The following C1orf167 variants were observed in gnomAD, a reference collection of about 807,000 sequenced individuals.
C1orf167 encodes uncharacterized protein C1orf167.
A neutral mutation model predicts 176.5 loss-of-function variants in C1orf167; 153 were observed. The observed-to-expected ratio is 0.87, with a 90% CI of 0.76 to 0.99. The LOEUF is 0.99. C1orf167 is among the 50% of genes least tolerant of loss of function. The pLI is 0.00. For missense variants in C1orf167, 1,490 were observed against 1,817.7 expected, an observed-to-expected ratio of 0.82 and a Z score of 3.28; for synonymous variants, 594 against 752.7, an observed-to-expected ratio of 0.79 and a Z score of 3.45.
In C1orf167 at chr1:11,776,454, G is replaced by A. The variant is rs1425387546; in HGVS notation, c.2165-10G>A. Reference sequence around the variant, plus strand: ...GGAGGCAGCTGACTGGACTCTTGACGGTTTCTCAGGACGTGAGGCTGTCTA... The same window carrying A: ...GGAGGCAGCTGACTGGACTCTTGACAGTTTCTCAGGACGTGAGGCTGTCTA... On this transcript the variant is annotated splice_polypyrimidine_tract_variant and intron_variant, in intron 9 of 20. Transcript: ENST00000688073. 40 of 1,299,694 alleles carry A rather than the reference G, an allele frequency of 3.1e-5. No homozygotes were observed. The highest frequency in any genetic ancestry group is 5.6e-5 in the East Asian group (1 of 17,774). The allele number at this position is 1,299,694 out of a possible 1,614,324, so 80.5% of individuals were successfully genotyped here.
intron 19 of C1orf167, 42 bp from the exon 20 acceptor site, chr1:11,788,610 A>T (rs1391386259): frequency 1.2e-5 from 15 of 1,286,834 alleles, no homozygotes; most frequent in Non-Finnish European, 1.5e-5. Context: ...ACTGCGGGGG[A>T]GCGTGAGCAC....
intron 13 of C1orf167, among the ~76,000 whole-genome samples, chr1:11,781,294 G>A (rs2001584): frequency 0.56 from 85,533 of 151,846 alleles, 25,180 homozygotes; most frequent in East Asian, 0.77. Flanking sequence ...CACCGCACCC[G>A]GCCCCAACCA....
At chr1:11,771,430 C>A in intron 6 of C1orf167, 94 bp from the exon 7 acceptor site, 2 of 671,266 alleles carry the variant, frequency 3.0e-6, no homozygotes, top group Admixed American at 2.5e-5. Context: ...CTCCCAAGGG[C>A]AGACCGCACC....
At position 11,766,818 on chromosome 1, in the gene C1orf167, G is replaced by A; in HGVS notation, c.1032G>A (p.Gly344=). The stretch of plus-strand genomic sequence containing the variant: ...AGGATTCCCTTAATCCTGAGCAGGG[G>A]CTCCCTCCTGCCCACCCCCTAGGGT... ...RTKDSLNPEQ[G]LPPAHPLGSG... The change falls in exon 3 of 21, where the codon GGG becomes GGA. Residue 344 remains glycine (G), a synonymous_variant. Transcript: ENST00000688073. This position sits in a 1 kb window ranked among gnomAD's most constrained non-coding sequence, Gnocchi z 4.5. The A allele has an allele frequency of 6.2e-6, 8 of 1,289,300 alleles. No individual in the cohort carries two copies. In the South Asian group the frequency reaches 9.9e-5, roughly 16 times the overall value. 79.9% of individuals were successfully genotyped at this position (1,289,300 alleles called of 1,614,324 possible).
chr1:11,769,553 T>G (rs10864537), intron 6 of C1orf167, among the ~76,000 whole-genome samples: 147,301 of 152,060 alleles, frequency 0.97, 71,495 homozygotes, highest in East Asian at 1. Context: ...GGGCAACAGG[T>G]CAAGACCCTG....
Position 11,787,895 on chromosome 1 carries a change from C to A in C1orf167, c.3696C>A (p.Cys1232Ter). 1 of 1,242,128 alleles carries A rather than the reference C, an allele frequency of 8.1e-7. No individual in the cohort carries two copies. The highest frequency in any genetic ancestry group is 1.0e-6 in the Non-Finnish European group (1 of 958,654). 76.9% of individuals were successfully genotyped at this position (1,242,128 alleles called of 1,614,324 possible). A position where few individuals can be genotyped will look rare whatever the true frequency, so the allele number is the denominator to read the frequency against. Residue 1232 changes from cysteine to a stop codon, truncating the protein, a stop_gained, in exon 18 of 21, where the codon TGC becomes TGA. Coordinates refer to ENST00000688073, the MANE Select transcript of C1orf167 (RefSeq NM_001010881.2). LOFTEE classifies it high-confidence loss of function. The part of the protein sequence containing the change: ...WAQRCREHSL[C>*]PAFQLWPQWP... ...CAGGGTGCAGGGAACATTCCCTCTGCCCTGCCTTCCAGCTCTGGCCACAGT... is the reference window on the plus strand; with the variant it reads ...CAGGGTGCAGGGAACATTCCCTCTGACCTGCCTTCCAGCTCTGGCCACAGT...
Position 11,784,280 on chromosome 1 carries a change from G to A in C1orf167, c.3112G>A (p.Ala1038Thr). ...GAGAAGAGCACTGGGGGCCGTGTTT[G>A]CCACATGGCGGGAAGCCCAGGAAGT... ...LRRRALGAVFATWREAQEVAA... is the reference protein window; with the variant it reads ...LRRRALGAVFTTWREAQEVAA... Residue 1038 changes from alanine to threonine, a missense_variant, in exon 15 of 21, where the codon GCC (alanine) becomes ACC (threonine). Ala to Thr is a moderately conservative substitution (Grantham distance 58). Coordinates refer to ENST00000688073, the MANE Select transcript of C1orf167 (RefSeq NM_001010881.2). The A allele has an allele frequency of 7.7e-7, 1 of 1,303,512 alleles. No individual in the cohort carries two copies. The highest frequency in any genetic ancestry group is 1.5e-5 in the African/African-American group (1 of 66,014). The allele number at this position is 1,303,512 out of a possible 1,614,324, so 80.7% of individuals were successfully genotyped here. A position where few individuals can be genotyped will look rare whatever the true frequency, so the allele number is the denominator to read the frequency against.
chr1:11,775,314 G>A lies in C1orf167; in HGVS notation c.1989-121G>A, dbSNP rs1022080339. 1.3e-5 allele frequency: 9 copies of A among 700,844 alleles called. No homozygotes were observed. The East Asian group carries it at 2.1e-4, about 16-fold the overall frequency. The allele number at this position is 700,844 out of a possible 1,614,324, so 43.4% of individuals were successfully genotyped here. A position where few individuals can be genotyped will look rare whatever the true frequency, so the allele number is the denominator to read the frequency against. ...CAAACAACAACAACAAAACACGGAG[G>A]CTCAGAGAGATGAAGTGGCTTGCCC... On this transcript the variant is annotated intron_variant, in intron 8 of 20. Transcript: ENST00000688073.
At chr1:11,767,173 G>A (rs1463387385) in intron 3 of C1orf167, 48 bp from the exon 4 acceptor site, 1 of 1,288,658 alleles carries the variant, frequency 7.8e-7, no homozygotes. Context: ...GCCCTGTCCT[G>A]CCTGCTGCTT....
At chr1:11,781,277 C>T (rs541455463) in intron 13 of C1orf167, among the ~76,000 whole-genome samples, 22 of 152,082 alleles carry the variant, frequency 1.4e-4, no homozygotes, top group Non-Finnish European at 2.8e-4. Context: ...GGATTACAAG[C>T]GTGAGCCACC....
intron 15 of C1orf167, 148 bp downstream of exon 15, chr1:11,784,741 C>G: frequency 1.1e-6 from 1 of 923,024 alleles, no homozygotes; most frequent in Non-Finnish European, 1.4e-6. Context: ...AGAGGCCGCC[C>G]TGGCCATCTA....
At chr1:11,771,947 T>G (rs989925317) in intron 7 of C1orf167, 135 bp from the exon 8 acceptor site, 1 of 605,552 alleles carries the variant, frequency 1.7e-6, no homozygotes, top group South Asian at 1.9e-5. Context: ...GGCTGGAGTA[T>G]TGGAGCTAGA....
intron 8 of C1orf167, 75 bp downstream of exon 8, chr1:11,772,334 T>C (rs1643121508): frequency 8.4e-7 from 1 of 1,193,672 alleles, no homozygotes; most frequent in South Asian, 1.4e-5. Flanking sequence ...GGCACCATCT[T>C]GCTCACTGCA....
rs755624831 is a variant in C1orf167, at chr1:11,784,266, T to A, written c.3098T>A (p.Leu1033Gln). 22 of 1,302,798 alleles carry A rather than the reference T, an allele frequency of 1.7e-5. No homozygotes were observed. Among genetic ancestry groups the A allele is most frequent in the Non-Finnish European group, 2.2e-5 (22 of 988,162 alleles). 80.7% of individuals were successfully genotyped at this position (1,302,798 alleles called of 1,614,324 possible). A position where few individuals can be genotyped will look rare whatever the true frequency, so the allele number is the denominator to read the frequency against. Residue 1033 changes from leucine to glutamine, a missense_variant, in exon 15 of 21, where the codon CTG becomes CAG. Coordinates refer to ENST00000688073, the MANE Select transcript of C1orf167 (RefSeq NM_001010881.2). ...CAGGATGGCCTGAGGAGAAGAGCAC[T>A]GGGGGCCGTGTTTGCCACATGGCGG... The part of the protein sequence containing the change: ...AFQDGLRRRA[L>Q]GAVFATWREA...
At chr1:11,783,405 A>C (rs1643683066) in intron 14 of C1orf167, among the ~76,000 whole-genome samples, 1 of 151,760 alleles carries the variant, frequency 6.6e-6, no homozygotes, top group African/African-American at 2.4e-5. Flanking sequence ...GTGGCACCAC[A>C]CCTGGCTAAT....
intron 19 of C1orf167, 130 bp downstream of exon 19, chr1:11,788,508 G>A: frequency 9.0e-7 from 1 of 1,109,984 alleles, no homozygotes; most frequent in Non-Finnish European, 1.2e-6. Flanking sequence ...CCAGGAATCT[G>A]CATTCTTAAT....
chr1:11,772,159 C>A lies in C1orf167; in HGVS notation c.1888C>A (p.Gln630Lys). ...TCTGCGGAAGGCCACCAGGGCCACA[C>A]AGAGGACAGGGAGCTTCCCCCAGGC... ...ETLRKATRAT[Q>K]RTGSFPQAWH... Residue 630 changes from glutamine to lysine, a missense_variant, in exon 8 of 21, where the codon CAG (glutamine) becomes AAG (lysine). By Grantham distance (53) the Gln-to-Lys change is moderately conservative. Coordinates refer to ENST00000688073, the MANE Select transcript of C1orf167 (RefSeq NM_001010881.2). The A allele has an allele frequency of 7.7e-7, 1 of 1,304,358 alleles. No homozygotes were observed. Among genetic ancestry groups the A allele is most frequent in the Non-Finnish European group, 1.0e-6 (1 of 988,970 alleles). 80.8% of individuals were successfully genotyped at this position (1,304,358 alleles called of 1,614,324 possible). A position where few individuals can be genotyped will look rare whatever the true frequency, so the allele number is the denominator to read the frequency against.
At chr1:11,780,562 C>T (rs1643547804) in intron 13 of C1orf167, among the ~76,000 whole-genome samples, 1 of 152,210 alleles carries the variant, frequency 6.6e-6, no homozygotes, top group African/African-American at 2.4e-5. Context: ...GAAACTTAAA[C>T]AACCTAGTTA....
chr1:11,779,581 G>T (rs543636070), intron 12 of C1orf167: 6 of 315,822 alleles, frequency 1.9e-5, no homozygotes, highest in South Asian at 1.6e-4. Flanking sequence ...TTGGCAGTGG[G>T]GGTCTAGAAT....
Sources: allele counts gnomAD v4.1 joint callset (sites outside exome capture counted in the v4.1 genomes callset), GRCh38; gene constraint gnomAD v4.1.1; non-coding constraint Gnocchi (gnomAD v3.1); transcripts MANE v1.5; gene names NCBI Gene and HGNC (gene_info 2026-07-23, HGNC 2026-07-21).